ZFR2: variants seen among roughly 807,000 people sequenced by gnomAD.
ZFR2 encodes zinc finger RNA-binding protein 2.
Under a neutral mutation model 105.7 loss-of-function variants are expected in ZFR2, and 104 were observed. The observed-to-expected ratio is 0.98, with a 90% CI of 0.84 to 1.16. The LOEUF (loss-of-function observed/expected upper bound fraction) is 1.16. Among genes scored for constraint, ZFR2 ranks in the 50% most tolerant of loss-of-function variants. The pLI is 0.00. For synonymous variants in ZFR2, 634 were observed against 597.7 expected (o/e 1.06, Z -0.89); for missense variants, 1,425 against 1,355.5 (o/e 1.05, Z -0.80).
chr19:3,804,065 G>A lies in ZFR2; in HGVS notation c.*1884C>T, dbSNP rs1346529328. 2 of 152,178 alleles carry A rather than the reference G, an allele frequency of 1.3e-5. No individual in the cohort carries two copies. The highest frequency in any genetic ancestry group is 2.9e-5 in the Non-Finnish European group (2 of 68,102). 9.4% of individuals were successfully genotyped at this position (152,178 alleles called of 1,614,324 possible). The stretch of plus-strand genomic sequence containing the variant: ...TATTCCCCCTGCCTCCCAATTTCCA[G>A]GTAGCTCTACAAAGACATTCAGACA... On this transcript the variant is annotated 3_prime_UTR_variant, in exon 19 of 19. Coordinates refer to ENST00000262961, the MANE Select transcript of ZFR2 (RefSeq NM_015174.2).
chr19:3,805,875 G>A lies in ZFR2; in HGVS notation c.*74C>T. 7.1e-7 allele frequency: 1 copy of A among 1,399,030 alleles called. No homozygotes were observed. Among genetic ancestry groups the A allele is most frequent in the Non-Finnish European group, 9.3e-7 (1 of 1,070,090 alleles). The allele number at this position is 1,399,030 out of a possible 1,614,324, so 86.7% of individuals were successfully genotyped here. On this transcript the variant is annotated 3_prime_UTR_variant, in exon 19 of 19. Transcript: ENST00000262961. ...ACCATTGTCCAACGTCGGGGATGAAGCAGCCATTGGTCGGCGCGCACACGT... is the reference window on the plus strand; with the variant it reads ...ACCATTGTCCAACGTCGGGGATGAAACAGCCATTGGTCGGCGCGCACACGT...
rs1011556893 is a variant in ZFR2 at position 3,812,809 on chromosome 19, T to C, written c.2242+1011A>G. Among the ~76,000 whole-genome samples the C allele has an allele frequency of 2.0e-5, 3 of 152,144 alleles. No homozygotes were observed. The East Asian group carries it at 5.8e-4, about 29-fold the overall frequency. On this transcript the variant is annotated intron_variant, in intron 14 of 18. Coordinates refer to ENST00000262961, the MANE Select transcript of ZFR2 (RefSeq NM_015174.2). ...AAAAAACAAATTGGGCCAGGCATGG[T>C]GGCTCATGCCTGTAATCCCAGCACT... is the stretch of plus-strand genomic sequence containing the variant.
rs1036438924 is a variant in ZFR2 at position 3,820,283 on chromosome 19, C to G, written c.1639G>C (p.Glu547Gln). Residue 547 changes from glutamate to glutamine, a missense_variant, in exon 11 of 19, where the codon GAG becomes CAG. Physicochemically the swap from Glu to Gln is conservative, Grantham distance 29. Transcript: ENST00000262961. ...RRWHAERRRL[E>Q]EEPPQDVPPH... is the part of the protein sequence containing the mutation. Reference sequence around the variant, plus strand: ...GGCACGTCCTGGGGTGGCTCCTCCTCCAGCCGCCTGCAGGACCGAGACGTG... The same window carrying G: ...GGCACGTCCTGGGGTGGCTCCTCCTGCAGCCGCCTGCAGGACCGAGACGTG... The G allele has an allele frequency of 5.2e-6, 8 of 1,544,692 alleles. No homozygotes were observed. Among genetic ancestry groups the G allele is most frequent in the Non-Finnish European group, 7.0e-6 (8 of 1,145,958 alleles).
At chr19:3,839,970 A>T (rs2038119154) in intron 1 of ZFR2, among the ~76,000 whole-genome samples, 1 of 152,116 alleles carries the variant, frequency 6.6e-6, no homozygotes, top group Non-Finnish European at 1.5e-5. Context: ...ATCTGTATAC[A>T]ACACGGTGTT....
rs968614146 is a variant in ZFR2 at position 3,831,707 on chromosome 19, G to A, written c.551C>T (p.Thr184Ile). 4.4e-6 allele frequency: 7 copies of A among 1,590,674 alleles called. No individual in the cohort carries two copies. The African/African-American group carries it at 8.0e-5, about 18-fold the overall frequency. The part of the protein sequence containing the change: ...VQPESSASIV[T>I]SYPPPSYNPT... ...GTTGTAGGAGGGCGGGGGGTAGGAG[G>A]TCACGATGGAAGCTGACGACTCGGG... Residue 184 changes from threonine to isoleucine, a missense_variant, in exon 4 of 19, where the codon ACC becomes ATC. Thr to Ile is a moderately conservative substitution (Grantham distance 89). Transcript: ENST00000262961.
rs529723632 is a variant in ZFR2, at chr19:3,819,350, C to T, written c.1741-115G>A. 4.7e-5 allele frequency: 53 copies of T among 1,134,278 alleles called. No individual in the cohort carries two copies. The South Asian group carries it at 5.0e-4, about 11-fold the overall frequency. The allele number at this position is 1,134,278 out of a possible 1,614,324, so 70.3% of individuals were successfully genotyped here. A position where few individuals can be genotyped will look rare whatever the true frequency, so the allele number is the denominator to read the frequency against. On this transcript the variant is annotated intron_variant, in intron 11 of 18. Transcript: ENST00000262961. Reference sequence around the variant, plus strand: ...GGCCAGCCAGGTTACGAGGCGGCAGCGTGGCCAGGTGAGAATCCAGTGCAC... The same window carrying T: ...GGCCAGCCAGGTTACGAGGCGGCAGTGTGGCCAGGTGAGAATCCAGTGCAC...
rs2037923315 is a variant in ZFR2, at chr19:3,823,981, G to A, written c.1214-578C>T. 6.6e-6 allele frequency among the ~76,000 whole-genome samples: 1 copy of A among 152,120 alleles called. No homozygotes were observed. The highest frequency in any genetic ancestry group is 2.4e-5 in the African/African-American group (1 of 41,416). ...TTACGGCTTTTCCATCTACACATTG[G>A]GACTGGTGACAACATTGACTCAAAT... On this transcript the variant is annotated intron_variant, in intron 7 of 18. Transcript: ENST00000262961. The surrounding 1 kb of genome is among the most constrained non-coding windows in gnomAD (Gnocchi z 5.4).
intron 10 of ZFR2, 103 bp from the exon 11 acceptor site, chr19:3,820,393 G>C: frequency 9.2e-7 from 1 of 1,088,846 alleles, no homozygotes; most frequent in Non-Finnish European, 1.3e-6. Flanking sequence ...AAGGAAGGAA[G>C]GGCCAAAGCT....
chr19:3,838,526 G>A lies in ZFR2; in HGVS notation c.54-3543C>T, dbSNP rs115321939. 2.6e-3 allele frequency among the ~76,000 whole-genome samples: 403 copies of A among 152,096 alleles called. 2 individuals carry two copies. The highest frequency in any genetic ancestry group is 9.1e-3 in the African/African-American group (377 of 41,492). On this transcript the variant is annotated intron_variant, in intron 1 of 18. Transcript: ENST00000262961. The surrounding 1 kb of genome is among the most constrained non-coding windows in gnomAD (Gnocchi z 4.9). ...CAGCCCCTCACTCTCCTCCCTCCTC[G>A]CCAGCATTTCTTTGTCCTCCTGGCA...
At chr19:3,822,705 G>A (rs915140761) in intron 8 of ZFR2, among the ~76,000 whole-genome samples, 12 of 152,230 alleles carry the variant, frequency 7.9e-5, no homozygotes, top group African/African-American at 2.9e-4. Flanking sequence ...GACACAGCAA[G>A]ACCCTTTCTC....
intron 6 of ZFR2, 136 bp downstream of exon 6, chr19:3,827,335 G>T (rs2037961848): frequency 1.9e-6 from 2 of 1,044,502 alleles, no homozygotes; most frequent in Non-Finnish European, 2.6e-6. Context: ...TGGGCGGCTG[G>T]CCCTTGGGGC....
Position 3,813,717 on chromosome 19 carries a change from T to C in ZFR2, c.2242+103A>G. On this transcript the variant is annotated intron_variant, in intron 14 of 18. Coordinates refer to ENST00000262961, the MANE Select transcript of ZFR2 (RefSeq NM_015174.2). The surrounding 1 kb of genome is among the most constrained non-coding windows in gnomAD (Gnocchi z 4.4). Reference sequence around the variant, plus strand: ...GCTGGAGCGTGGCTGCTGTGGCATTTCCTGCTCAGGGCAGAGGCGGACGCT... The same window carrying C: ...GCTGGAGCGTGGCTGCTGTGGCATTCCCTGCTCAGGGCAGAGGCGGACGCT... 1 of 1,503,768 alleles carries C rather than the reference T, an allele frequency of 6.6e-7. No individual in the cohort carries two copies. Among genetic ancestry groups the C allele is most frequent in the Non-Finnish European group, 9.0e-7 (1 of 1,112,664 alleles). The allele number at this position is 1,503,768 out of a possible 1,614,324, so 93.2% of individuals were successfully genotyped here. A position where few individuals can be genotyped will look rare whatever the true frequency, so the allele number is the denominator to read the frequency against.
chr19:3,834,356 T>C lies in ZFR2; in HGVS notation c.264+417A>G, dbSNP rs1599239141. Among the ~76,000 whole-genome samples, 2 of 152,172 alleles carry C rather than the reference T, an allele frequency of 1.3e-5. No homozygotes were observed. Among genetic ancestry groups the C allele is most frequent in the South Asian group, 2.1e-4 (1 of 4,824 alleles). ...CACCCCACACACCACAGACTCCCTC[T>C]TAGAAGGTAGGAATCTGGAGCGTGG... On this transcript the variant is annotated intron_variant, in intron 2 of 18. Transcript: ENST00000262961. This position sits in a 1 kb window ranked among gnomAD's most constrained non-coding sequence, Gnocchi z 5.3.
intron 1 of ZFR2, among the ~76,000 whole-genome samples, chr19:3,861,743 T>C (rs1018592162): frequency 3.9e-5 from 6 of 152,124 alleles, no homozygotes; most frequent in East Asian, 1.9e-4. Context: ...CCGGCCAACA[T>C]GGTGAAACCT....
At chr19:3,862,575 A>T (rs930962095) in intron 1 of ZFR2, among the ~76,000 whole-genome samples, 1 of 152,156 alleles carries the variant, frequency 6.6e-6, no homozygotes, top group Admixed American at 6.5e-5. Flanking sequence ...TGGGATTACA[A>T]GTGTGAGCCA....
chr19:3,828,256 C>T (rs578053213), intron 5 of ZFR2, among the ~76,000 whole-genome samples: 16 of 152,006 alleles, frequency 1.1e-4, no homozygotes, highest in Non-Finnish European at 2.2e-4. Context: ...GCGATTCTCC[C>T]GCCTCAGCCT....
At chr19:3,818,272 C>T (rs1159801497) in intron 12 of ZFR2, among the ~76,000 whole-genome samples, 1 of 152,106 alleles carries the variant, frequency 6.6e-6, no homozygotes, top group Non-Finnish European at 1.5e-5. Flanking sequence ...TCAAGACCAG[C>T]CTGGCTAACA....
At chr19:3,847,303 C>T (rs115386134) in intron 1 of ZFR2, among the ~76,000 whole-genome samples, 3,723 of 152,186 alleles carry the variant, frequency 0.024, 147 homozygotes, top group African/African-American at 0.085. Context: ...GCAGGAGGAT[C>T]GCTTAAGCCC....
intron 1 of ZFR2, among the ~76,000 whole-genome samples, chr19:3,839,448 G>A (rs961451672): frequency 1.3e-5 from 2 of 148,644 alleles, no homozygotes; most frequent in Non-Finnish European, 3.0e-5. Flanking sequence ...CACGAGAATC[G>A]CTGGAACCCA....
Sources: allele counts gnomAD v4.1 joint callset (sites outside exome capture counted in the v4.1 genomes callset), GRCh38; gene constraint gnomAD v4.1.1; non-coding constraint Gnocchi (gnomAD v3.1); transcripts MANE v1.5; gene names NCBI Gene and HGNC (gene_info 2026-07-23, HGNC 2026-07-21).